DOCK11: variants seen among roughly 807,000 people sequenced by gnomAD.
DOCK11 encodes dedicator of cytokinesis protein 11.
In DOCK11, 70 loss-of-function variants were observed where a neutral mutation model predicts 169.1. The ratio of observed to expected loss-of-function variants is 0.41; its 90% confidence interval spans 0.34 to 0.51. DOCK11 has a LOEUF of 0.51. Among genes scored for constraint, DOCK11 ranks in the 20% least tolerant of loss-of-function variants. The pLI is 0.10. For synonymous variants in DOCK11, 529 were observed against 541.3 expected (o/e 0.98, Z 0.32); for missense variants, 1,166 against 1,538.8 (o/e 0.76, Z 4.05).
At chrX:118,501,459 C>T (rs1425299826) in intron 1 of DOCK11, among the ~76,000 whole-genome samples, 1 of 112,180 alleles carries the variant, frequency 8.9e-6, no homozygotes, top group African/African-American at 3.2e-5. Context: ...GCACTCCAGC[C>T]TAGGCGACAC....
chrX:118,567,270 A>T (rs2013108943), intron 9 of DOCK11, among the ~76,000 whole-genome samples: 1 of 111,085 alleles, frequency 9.0e-6, no homozygotes. Flanking sequence ...CATTTAAATC[A>T]TTGCCAAATC....
chrX:118,591,758 A>C (rs1455928087), intron 19 of DOCK11, among the ~76,000 whole-genome samples: 1 of 82,393 alleles, frequency 1.2e-5, no homozygotes, highest in African/African-American at 4.0e-5. Context: ...CATTAGGTAT[A>C]TCTCCTAATG....
chrX:118,643,875 C>G (rs2015592943), intron 40 of DOCK11, among the ~76,000 whole-genome samples: 1 of 111,787 alleles, frequency 8.9e-6, no homozygotes, highest in African/African-American at 3.3e-5. Flanking sequence ...CCTGCCAGTT[C>G]TCTATTTTGC....
At chrX:118,589,901 C>T (rs918125746) in intron 18 of DOCK11, among the ~76,000 whole-genome samples, 7 of 112,365 alleles carry the variant, frequency 6.2e-5, no homozygotes, top group African/African-American at 2.3e-4. Context: ...CTTTACAGGC[C>T]TGGTTTGAGA....
chrX:118,611,645 A>T (rs895159815), intron 28 of DOCK11, among the ~76,000 whole-genome samples: 1 of 112,604 alleles, frequency 8.9e-6, no homozygotes, highest in Non-Finnish European at 1.9e-5. Context: ...CCAGAAGAAA[A>T]CTATATTTAT....
At chrX:118,668,777 T>G (rs2016398513) in intron 45 of DOCK11, among the ~76,000 whole-genome samples, 1 of 111,183 alleles carries the variant, frequency 9.0e-6, no homozygotes, top group African/African-American at 3.3e-5. Flanking sequence ...CCTATATTGA[T>G]AAGGAGAAGG....
chrX:118,632,703 T>G (rs1318389367), intron 35 of DOCK11: 1 of 110,708 alleles, frequency 9.0e-6, no homozygotes, highest in Non-Finnish European at 1.9e-5. Flanking sequence ...AGATGTTCTA[T>G]CTCTACACTT....
intron 7 of DOCK11, among the ~76,000 whole-genome samples, 194 bp from the exon 8 acceptor site, chrX:118,565,811 G>A (rs1431368341): frequency 9.0e-6 from 1 of 111,307 alleles, no homozygotes; most frequent in Middle Eastern, 4.2e-3. Context: ...CCTGAGGGAG[G>A]GGAACAAAAA....
At chrX:118,650,053 A>T (rs1163837251) in intron 41 of DOCK11, among the ~76,000 whole-genome samples, 1 of 111,620 alleles carries the variant, frequency 9.0e-6, no homozygotes, top group Non-Finnish European at 1.9e-5. Flanking sequence ...AAAATGAGAG[A>T]TGTGTCAAGG....
intron 1 of DOCK11, among the ~76,000 whole-genome samples, chrX:118,499,519 C>T (rs2057559818): frequency 8.9e-6 from 1 of 111,862 alleles, no homozygotes; most frequent in African/African-American, 3.3e-5. Context: ...GCTGTTGACT[C>T]CCCCAACCCG....
At chrX:118,519,584 T>C (rs2057710744) in intron 1 of DOCK11, among the ~76,000 whole-genome samples, 1 of 111,634 alleles carries the variant, frequency 9.0e-6, no homozygotes, top group Non-Finnish European at 1.9e-5. Flanking sequence ...TGTGTGACCC[T>C]GGAGGCAAGG....
chrX:118,623,203 G>A (rs1270592263), intron 31 of DOCK11, among the ~76,000 whole-genome samples: 1 of 111,044 alleles, frequency 9.0e-6, no homozygotes, highest in Admixed American at 9.6e-5. Context: ...GGGTGACAGA[G>A]TAAGACTCAG....
At chrX:118,533,813 A>C (rs1296161064) in intron 1 of DOCK11, among the ~76,000 whole-genome samples, 1 of 112,332 alleles carries the variant, frequency 8.9e-6, no homozygotes, top group African/African-American at 3.2e-5. Flanking sequence ...TGTTGTTACA[A>C]GTTTAAGGTG....
At chrX:118,632,550 C>T (rs891321821) in intron 35 of DOCK11, 14 of 111,667 alleles carry the variant, frequency 1.3e-4, no homozygotes, top group African/African-American at 4.2e-4. Context: ...ATTCTAATTA[C>T]TTTGTCTTGT....
At chrX:118,525,138 CTG>C (rs1169959494) in intron 1 of DOCK11, among the ~76,000 whole-genome samples, 5 of 105,416 alleles carry the variant, frequency 4.7e-5, no homozygotes, top group Admixed American at 2.0e-4. Context: ...GAGCGAGACT[CTG>C]TCTCAAAAAA....
At chrX:118,507,542 G>A (rs767442884) in intron 1 of DOCK11, among the ~76,000 whole-genome samples, 10 of 111,016 alleles carry the variant, frequency 9.0e-5, no homozygotes, top group Non-Finnish European at 1.7e-4. Context: ...TAGAGACGGG[G>A]TTTCACCATG....
At chrX:118,510,444 C>T (rs755353346) in intron 1 of DOCK11, among the ~76,000 whole-genome samples, 3 of 112,492 alleles carry the variant, frequency 2.7e-5, no homozygotes, top group South Asian at 7.3e-4. Context: ...ACTCCCTGAG[C>T]CTGGAGTTCT....
At chrX:118,630,528 C>A in intron 35 of DOCK11, 38 bp downstream of exon 35, 1 of 884,437 alleles carries the variant, frequency 1.1e-6, no homozygotes. Context: ...CTGTACTAGA[C>A]ATACACCCTC....
chrX:118,660,098 G>C (rs750962906), intron 44 of DOCK11, among the ~76,000 whole-genome samples: 5 of 111,796 alleles, frequency 4.5e-5, no homozygotes, highest in Admixed American at 1.9e-4. Context: ...TGCTGATCAA[G>C]TGGGATGGTT....
Sources: gnomAD v4.1 joint callset for allele counts (sites outside exome capture counted in the v4.1 genomes callset) on GRCh38, gnomAD v4.1.1 for gene constraint, MANE v1.5 for transcripts, NCBI Gene and HGNC (gene_info 2026-07-23, HGNC 2026-07-21) for gene names.